Variants in POLA1 observed in about 807,000 individuals in gnomAD.
POLA1 encodes DNA polymerase alpha catalytic subunit.
Under a neutral mutation model 124.0 loss-of-function variants are expected in POLA1, and 15 were observed. That is an observed-to-expected ratio of 0.12 (90% confidence interval 0.08 to 0.19). The LOEUF (loss-of-function observed/expected upper bound fraction) is 0.19, where lower values mean the gene tolerates loss of function less well. POLA1 is among the 10% of genes least tolerant of loss of function. POLA1 has a pLI of 1.00. For synonymous variants in POLA1, 408 were observed against 389.4 expected, an observed-to-expected ratio of 1.05 and a Z score of -0.56; for missense variants, 886 against 1,103.4, an observed-to-expected ratio of 0.80 and a Z score of 2.79.
intron 36 of POLA1, among the ~76,000 whole-genome samples, chrX:24,931,243 A>G (rs999052120): frequency 6.3e-5 from 7 of 111,613 alleles, no homozygotes; most frequent in African/African-American, 2.3e-4. Context: ...TGAAAAATAA[A>G]AAAGGCAGAT....
At chrX:24,751,557 A>T (rs1441170819) in intron 26 of POLA1, among the ~76,000 whole-genome samples, 1 of 112,039 alleles carries the variant, frequency 8.9e-6, no homozygotes, top group Non-Finnish European at 1.9e-5. Context: ...GGATAAATAA[A>T]ACTCTGGAAA....
intron 36 of POLA1, among the ~76,000 whole-genome samples, chrX:24,948,500 G>A (rs919475505): frequency 2.7e-5 from 3 of 111,330 alleles, no homozygotes; most frequent in African/African-American, 9.8e-5. Context: ...GTTGTAATGC[G>A]ATTATGAAGT....
At chrX:24,945,422 A>G (rs1212157632) in intron 36 of POLA1, among the ~76,000 whole-genome samples, 3 of 112,596 alleles carry the variant, frequency 2.7e-5, no homozygotes, top group Non-Finnish European at 3.8e-5. Context: ...ATTTTTACCA[A>G]ATGGTTACAG....
intron 36 of POLA1, among the ~76,000 whole-genome samples, chrX:24,974,693 A>G (rs1230302122): frequency 9.0e-6 from 1 of 110,600 alleles, no homozygotes; most frequent in Non-Finnish European, 1.9e-5. Flanking sequence ...TAGGACAAGT[A>G]TCTACTGCAT....
intron 36 of POLA1, among the ~76,000 whole-genome samples, chrX:24,957,813 G>A (rs1284498966): frequency 1.8e-5 from 2 of 110,624 alleles, no homozygotes; most frequent in Non-Finnish European, 3.8e-5. Flanking sequence ...GATCTGATCT[G>A]TTCTTGAAGG....
intron 26 of POLA1, among the ~76,000 whole-genome samples, chrX:24,791,214 G>A (rs1321330114): frequency 9.0e-6 from 1 of 110,814 alleles, no homozygotes; most frequent in African/African-American, 3.3e-5. Flanking sequence ...AATTCCGGAA[G>A]CCAGACCTGT....
intron 36 of POLA1, among the ~76,000 whole-genome samples, chrX:24,978,939 TTAAC>T (rs1401846460): frequency 1.8e-5 from 2 of 111,925 alleles, no homozygotes; most frequent in Non-Finnish European, 3.8e-5. Context: ...GAGAAAAAAT[TTAAC>T]TGTTTCCTTC....
At chrX:24,984,682 C>T (rs1335970381) in intron 36 of POLA1, among the ~76,000 whole-genome samples, 9 of 79,423 alleles carry the variant, frequency 1.1e-4, no homozygotes, top group Admixed American at 1.7e-4. Context: ...TTTTTTGAGA[C>T]GGAGTCTTGC....
intron 1 of POLA1, among the ~76,000 whole-genome samples, chrX:24,698,361 A>G (rs1228613653): frequency 3.6e-5 from 4 of 112,081 alleles, no homozygotes; most frequent in Non-Finnish European, 5.6e-5. Flanking sequence ...TTGACAAACC[A>G]TTTAAGTCCC....
chrX:24,965,004 T>C (rs141179139), intron 36 of POLA1, among the ~76,000 whole-genome samples: 1 of 111,737 alleles, frequency 8.9e-6, no homozygotes, highest in East Asian at 2.8e-4. Context: ...AGGACATCGG[T>C]GAATGGACTG....
chrX:24,979,792 A>C (rs760661127), intron 36 of POLA1, among the ~76,000 whole-genome samples: 1 of 112,413 alleles, frequency 8.9e-6, no homozygotes, highest in Non-Finnish European at 1.9e-5. Flanking sequence ...TTGGCTGAGC[A>C]GACCCACATG....
chrX:24,991,031 G>A (rs774226704), intron 36 of POLA1, among the ~76,000 whole-genome samples: 2 of 111,948 alleles, frequency 1.8e-5, no homozygotes, highest in Admixed American at 9.4e-5. Flanking sequence ...ATAGGTTCTT[G>A]GAATTACAGC....
chrX:24,897,691 A>C (rs1041390299), intron 35 of POLA1, among the ~76,000 whole-genome samples: 14 of 111,708 alleles, frequency 1.3e-4, no homozygotes, highest in African/African-American at 4.6e-4. Flanking sequence ...TGTTCAGTCT[A>C]GCCCCCTTTC....
chrX:24,912,093 A>C (rs1215632611), intron 35 of POLA1, among the ~76,000 whole-genome samples: 5 of 112,553 alleles, frequency 4.4e-5, no homozygotes, highest in Non-Finnish European at 9.4e-5. Context: ...TATTTTTAGC[A>C]AACATGCAAA....
intron 35 of POLA1, among the ~76,000 whole-genome samples, chrX:24,905,466 C>G (rs1234411205): frequency 1.9e-5 from 2 of 106,347 alleles, no homozygotes; most frequent in African/African-American, 6.9e-5. Flanking sequence ...AAAAAGATGC[C>G]AATGCTGAGA....
chrX:24,742,281 G>A (rs1931719331), intron 22 of POLA1, among the ~76,000 whole-genome samples, 160 bp downstream of exon 22: 1 of 108,440 alleles, frequency 9.2e-6, no homozygotes, highest in African/African-American at 3.4e-5. Context: ...GTTTTTGTGT[G>A]GTCATTTCCT....
At chrX:24,886,048 A>G (rs2047061596) in intron 34 of POLA1, among the ~76,000 whole-genome samples, 1 of 112,105 alleles carries the variant, frequency 8.9e-6, no homozygotes, top group South Asian at 3.7e-4. Context: ...CAAAACACTG[A>G]TTGGTTCATG....
chrX:24,723,785 G>C (rs1339589731), intron 11 of POLA1, among the ~76,000 whole-genome samples: 2 of 112,401 alleles, frequency 1.8e-5, no homozygotes, highest in African/African-American at 6.5e-5. Flanking sequence ...GGTTCAAACA[G>C]TTTTCCTGCC....
chrX:24,749,009 C>T lies in POLA1; in HGVS notation c.2964+17C>T. ...GGAAGGGAGGTAAATGGCGTAATAA[C>T]ATTCACATCTCTAGATATGAGAGTA... On this transcript the variant is annotated intron_variant, in intron 26 of 36. Coordinates refer to ENST00000379068, the MANE Select transcript of POLA1 (RefSeq NM_001330360.2). The T allele has an allele frequency of 8.6e-7, 1 of 1,159,211 alleles. No homozygotes were observed. Among genetic ancestry groups the T allele is most frequent in the Non-Finnish European group, 1.2e-6 (1 of 847,999 alleles).
Sources: allele counts gnomAD v4.1 joint callset (sites outside exome capture counted in the v4.1 genomes callset), GRCh38; gene constraint gnomAD v4.1.1; transcripts MANE v1.5; gene names NCBI Gene and HGNC (gene_info 2026-07-23, HGNC 2026-07-21).